The following ADGRV1 variants were observed in gnomAD, a reference collection of about 807,000 sequenced individuals.
ADGRV1 encodes the protein adhesion G protein-coupled receptor V1, also known as G-protein coupled receptor 98.
ADGRV1 carries 359 observed loss-of-function variants against 596.2 expected under a neutral mutation model. The observed-to-expected ratio is 0.60, with a 90% CI of 0.55 to 0.66. ADGRV1 has a LOEUF of 0.66. ADGRV1 is among the 30% of genes least tolerant of loss of function. ADGRV1 has a pLI of 0.00. For synonymous variants in ADGRV1, 2,681 were observed against 2,679.2 expected (o/e 1.00, Z -0.02); for missense variants, 7,274 against 7,575.6 (o/e 0.96, Z 1.48).
chr5:90,911,471 GT>G (rs952105520), intron 83 of ADGRV1, among the ~76,000 whole-genome samples: 7 of 151,958 alleles, frequency 4.6e-5, no homozygotes, highest in African/African-American at 1.7e-4. Context: ...ATTTAGATTT[GT>G]TTTCTTAATA....
At chr5:91,058,239 C>T (rs1047429552) in intron 85 of ADGRV1, among the ~76,000 whole-genome samples, 1 of 152,102 alleles carries the variant, frequency 6.6e-6, no homozygotes, top group African/African-American at 2.4e-5. Flanking sequence ...GTGGCATGAC[C>T]TCTACTATCC....
chr5:90,774,316 C>T lies in ADGRV1; in HGVS notation c.12403+13C>T. ...TCTCCAGTAAAAGGTAAGAGAAATT[C>T]ACATTTTTGGAAATTAAAAAGTAAA... On this transcript the variant is annotated intron_variant, in intron 60 of 89. Transcript: ENST00000405460. The T allele has an allele frequency of 7.1e-7, 1 of 1,409,158 alleles. No homozygotes were observed. The highest frequency in any genetic ancestry group is 1.0e-6 in the Non-Finnish European group (1 of 995,846). The allele number at this position is 1,409,158 out of a possible 1,614,324, so 87.3% of individuals were successfully genotyped here.
rs139435790 is a variant in ADGRV1, at chr5:90,727,993, A to G, written c.10162-676A>G. Among the ~76,000 whole-genome samples, 1,052 of 152,280 alleles carry G rather than the reference A, an allele frequency of 6.9e-3. 7 individuals carry two copies. Among genetic ancestry groups the G allele is most frequent in the African/African-American group, 0.023 (973 of 41,560 alleles). On this transcript the variant is annotated intron_variant, in intron 48 of 89. Transcript: ENST00000405460. ...TACTTATACATTGACTTAATTATTG[A>G]TATGTTTCTTGTTTACCTTTTCCTA...
rs189232336 is a variant in ADGRV1 at position 90,675,397 on chromosome 5, G to A, written c.5265G>A (p.Ala1755=). 655 of 1,613,768 alleles carry A rather than the reference G, an allele frequency of 4.1e-4. 1 individual carries two copies. The highest frequency in any genetic ancestry group is 5.1e-4 in the Non-Finnish European group (604 of 1,179,828). ...RAQGLLGRVT[A]EFRTVSLTAF... is the part of the protein sequence containing the mutation. The stretch of plus-strand genomic sequence containing the variant: ...AGGGACTTCTGGGAAGGGTGACTGC[G>A]GAATTTAGAACAGTGTCCTTGACAG... Residue 1755 remains alanine, a synonymous_variant, in exon 24 of 90, where the codon GCG becomes GCA. Coordinates refer to ENST00000405460, the MANE Select transcript of ADGRV1 (RefSeq NM_032119.4).
rs116712754 is a variant in ADGRV1 at position 90,965,827 on chromosome 5, G to A, written c.17973+296G>A. Reference sequence around the variant, plus strand: ...GTTGGAAATTTGAACATTTTTCTAGGAAAAGTAATAGAATGATTTTAAGCA... The same window carrying A: ...GTTGGAAATTTGAACATTTTTCTAGAAAAAGTAATAGAATGATTTTAAGCA... On this transcript the variant is annotated intron_variant, in intron 84 of 89. Coordinates refer to ENST00000405460, the MANE Select transcript of ADGRV1 (RefSeq NM_032119.4). 6.4e-3 allele frequency among the ~76,000 whole-genome samples: 970 copies of A among 152,250 alleles called. 9 individuals are homozygous for A. Among genetic ancestry groups the A allele is most frequent in the African/African-American group, 0.022 (928 of 41,530 alleles).
intron 1 of ADGRV1, among the ~76,000 whole-genome samples, chr5:90,564,574 A>G (rs1755291762): frequency 6.6e-6 from 1 of 152,124 alleles, no homozygotes; most frequent in Non-Finnish European, 1.5e-5. Context: ...ACATATGAAA[A>G]ACAATCACCT....
At chr5:90,930,237 A>T (rs566590759) in intron 83 of ADGRV1, among the ~76,000 whole-genome samples, 1 of 152,340 alleles carries the variant, frequency 6.6e-6, no homozygotes, top group African/African-American at 2.4e-5. Flanking sequence ...TTCTTATTAG[A>T]AACATCGATG....
chr5:91,028,332 T>C (rs542480048), intron 85 of ADGRV1, among the ~76,000 whole-genome samples: 45 of 152,176 alleles, frequency 3.0e-4, no homozygotes, highest in African/African-American at 1.1e-3. Context: ...TGGATTATGG[T>C]CCTGGTTTGT....
rs911126050 is a variant in ADGRV1, at chr5:90,776,320, T to C, written c.12404-133T>C. 3.0e-5 allele frequency: 26 copies of C among 854,814 alleles called. No individual in the cohort carries two copies. In the African/African-American group the frequency reaches 4.0e-4, roughly 13 times the overall value. The allele number at this position is 854,814 out of a possible 1,614,324, so 53.0% of individuals were successfully genotyped here. A position where few individuals can be genotyped will look rare whatever the true frequency, so the allele number is the denominator to read the frequency against. ...AGAGTCATAGGTAAAATGAGGATAT[T>C]AATACCTTACTGATATGAGAGTCAT... is the stretch of plus-strand genomic sequence containing the variant. On this transcript the variant is annotated intron_variant, in intron 60 of 89. Coordinates refer to ENST00000405460, the MANE Select transcript of ADGRV1 (RefSeq NM_032119.4).
chr5:90,942,027 G>T (rs745650254), intron 83 of ADGRV1, among the ~76,000 whole-genome samples: 2 of 152,146 alleles, frequency 1.3e-5, no homozygotes, highest in South Asian at 2.1e-4. Flanking sequence ...GTAAGGAATT[G>T]TCCAGAAATA....
chr5:90,647,401 G>T (rs1399238156), intron 16 of ADGRV1, 97 bp from the exon 17 acceptor site: 4 of 1,259,932 alleles, frequency 3.2e-6, no homozygotes, highest in African/African-American at 1.5e-5. Flanking sequence ...ACAGTACAAG[G>T]CTTCTCTCTT....
At chr5:90,853,232 T>G (rs1391122717) in intron 79 of ADGRV1, 52 bp from the exon 80 acceptor site, 3 of 1,515,356 alleles carry the variant, frequency 2.0e-6, no homozygotes, top group Non-Finnish European at 2.7e-6. Context: ...TAAGTGGATA[T>G]ATGTATTCAA....
intron 85 of ADGRV1, among the ~76,000 whole-genome samples, chr5:90,993,978 AT>A (rs370672818): frequency 0.24 from 34,250 of 140,626 alleles, 4,191 homozygotes; most frequent in Non-Finnish European, 0.3. Context: ...ACATTTACCA[AT>A]TTTTTTTTTT....
chr5:90,751,798 G>A (rs1284829991), intron 53 of ADGRV1, among the ~76,000 whole-genome samples: 3 of 152,140 alleles, frequency 2.0e-5, no homozygotes, highest in African/African-American at 7.2e-5. Flanking sequence ...CGTGATTGGA[G>A]CTTCTGTATA....
chr5:90,743,288 C>T (rs556064668), intron 50 of ADGRV1, among the ~76,000 whole-genome samples: 63 of 152,056 alleles, frequency 4.1e-4, no homozygotes, highest in African/African-American at 1.4e-3. Flanking sequence ...TTTTATGCAA[C>T]GTTTGCTGAA....
intron 86 of ADGRV1, among the ~76,000 whole-genome samples, chr5:91,094,657 T>C (rs140077716): frequency 6.6e-6 from 1 of 152,202 alleles, no homozygotes; most frequent in Non-Finnish European, 1.5e-5. Context: ...ACAAAATATG[T>C]TGACTAATTT....
intron 83 of ADGRV1, among the ~76,000 whole-genome samples, chr5:90,930,828 G>A (rs1318101342): frequency 6.6e-6 from 1 of 152,104 alleles, no homozygotes; most frequent in Non-Finnish European, 1.5e-5. Flanking sequence ...CACAATATGA[G>A]AGCCTGCATA....
chr5:90,972,445 G>A (rs370194563), intron 84 of ADGRV1, among the ~76,000 whole-genome samples: 1 of 152,058 alleles, frequency 6.6e-6, no homozygotes, highest in Non-Finnish European at 1.5e-5. Context: ...TGACCACATA[G>A]TTGGAAGTAA....
chr5:91,140,767 T>C (rs936345174), intron 87 of ADGRV1, among the ~76,000 whole-genome samples: 1 of 152,202 alleles, frequency 6.6e-6, no homozygotes, highest in Non-Finnish European at 1.5e-5. Flanking sequence ...AAAACTTACT[T>C]TTCAGTTCCT....
Sources: gnomAD v4.1 joint callset for allele counts (sites outside exome capture counted in the v4.1 genomes callset) on GRCh38, gnomAD v4.1.1 for gene constraint, MANE v1.5 for transcripts, NCBI Gene and HGNC (gene_info 2026-07-23, HGNC 2026-07-21) for gene names.